Variants in CCBE1 observed in about 807,000 individuals in gnomAD.
The protein encoded by CCBE1 is collagen and calcium-binding EGF domain-containing protein 1.
A neutral mutation model predicts 50.0 loss-of-function variants in CCBE1; 37 were observed. The observed-to-expected ratio is 0.74, with a 90% CI of 0.57 to 0.97. The LOEUF (loss-of-function observed/expected upper bound fraction) is 0.97, where lower values mean the gene tolerates loss of function less well. Ranked by LOEUF, CCBE1 falls within the 50% of genes least tolerant of loss-of-function variation. The probability of loss-of-function intolerance (pLI) is 0.00; values close to 1 mark genes in which losing one functional copy is unlikely to be tolerated. For synonymous variants in CCBE1, 234 were observed against 203.7 expected (o/e 1.15, Z -1.27); for missense variants, 538 against 523.8 (o/e 1.03, Z -0.26).
chr18:59,500,374 C>T (rs192237508), intron 2 of CCBE1, among the ~76,000 whole-genome samples: 2 of 152,268 alleles, frequency 1.3e-5, no homozygotes, highest in African/African-American at 2.4e-5. Flanking sequence ...ATGAAGTCTT[C>T]GGAGGAAGGG....
intron 2 of CCBE1, among the ~76,000 whole-genome samples, chr18:59,653,702 A>ATTAAAAAT (rs1042605475): frequency 1.3e-5 from 2 of 152,222 alleles, no homozygotes; most frequent in Non-Finnish European, 2.9e-5. Context: ...AAATTAAAAA[A>ATTAAAAAT]TTAAAAATCC....
At chr18:59,622,288 T>C (rs536803135) in intron 2 of CCBE1, among the ~76,000 whole-genome samples, 213 of 152,242 alleles carry the variant, frequency 1.4e-3, no homozygotes, top group African/African-American at 5.0e-3. Flanking sequence ...CCCTTGAGGG[T>C]AGAAGTCACC....
chr18:59,691,694 G>T (rs557529407), intron 2 of CCBE1, among the ~76,000 whole-genome samples: 1 of 152,124 alleles, frequency 6.6e-6, no homozygotes, highest in African/African-American at 2.4e-5. Context: ...GTGAGCCACC[G>T]CGCCCAGCTA....
At chr18:59,437,588 A>G (rs116380453) in intron 10 of CCBE1, among the ~76,000 whole-genome samples, 58 of 152,340 alleles carry the variant, frequency 3.8e-4, no homozygotes, top group African/African-American at 1.4e-3. Context: ...TGAATTTTCT[A>G]TGCTTTTGAA....
intron 2 of CCBE1, among the ~76,000 whole-genome samples, chr18:59,674,952 T>A (rs1015934991): frequency 6.6e-6 from 1 of 152,308 alleles, no homozygotes; most frequent in Non-Finnish European, 1.5e-5. Flanking sequence ...TTTAATCATA[T>A]CCAGATTTTG....
chr18:59,692,587 T>A (rs1398336489), intron 2 of CCBE1, among the ~76,000 whole-genome samples: 1 of 152,220 alleles, frequency 6.6e-6, no homozygotes, highest in Non-Finnish European at 1.5e-5. Flanking sequence ...AATCTGGTAG[T>A]ACTATTCTAA....
At chr18:59,505,330 T>C (rs1913821514) in intron 2 of CCBE1, among the ~76,000 whole-genome samples, 2 of 152,206 alleles carry the variant, frequency 1.3e-5, no homozygotes, top group Non-Finnish European at 2.9e-5. Flanking sequence ...GACGCCATCC[T>C]TGAGCCTGAG....
chr18:59,697,109 C>T, intron 1 of CCBE1, 103 bp downstream of exon 1: 2 of 1,455,684 alleles, frequency 1.4e-6, no homozygotes. Context: ...TGAGGGCGTG[C>T]GGATCGCTGT....
In CCBE1 at chr18:59,607,024, A is replaced by G. The variant is rs73961278; in HGVS notation, c.212+89605T>C. Among the ~76,000 whole-genome samples, 927 of 149,372 alleles carry G rather than the reference A, an allele frequency of 6.2e-3. 13 individuals carry two copies. Among genetic ancestry groups the G allele is most frequent in the African/African-American group, 0.022 (885 of 40,556 alleles). On this transcript the variant is annotated intron_variant, in intron 2 of 10. Transcript: ENST00000439986. ...CAGGGCCTGGCCTAGAGTACGACAGAGTAGGTACTCCATAAAAGGTGTGTT... is the reference window on the plus strand; with the variant it reads ...CAGGGCCTGGCCTAGAGTACGACAGGGTAGGTACTCCATAAAAGGTGTGTT...
intron 2 of CCBE1, among the ~76,000 whole-genome samples, chr18:59,694,870 T>C (rs1195078114): frequency 6.6e-6 from 1 of 152,216 alleles, no homozygotes; most frequent in African/African-American, 2.4e-5. Context: ...GCTGAAAGCA[T>C]CGTTTCCCAT....
intron 2 of CCBE1, among the ~76,000 whole-genome samples, chr18:59,620,615 C>T (rs554623787): frequency 1.2e-4 from 18 of 152,114 alleles, no homozygotes; most frequent in Non-Finnish European, 1.9e-4. Flanking sequence ...AATTGAATCA[C>T]GGGGGCAAGT....
intron 5 of CCBE1, chr18:59,464,760 T>C (rs555916326): frequency 9.8e-5 from 15 of 152,422 alleles, no homozygotes; most frequent in Non-Finnish European, 1.6e-4. Flanking sequence ...AGCTGTTTGC[T>C]GTCCTCAGCT....
intron 2 of CCBE1, among the ~76,000 whole-genome samples, chr18:59,685,149 T>G (rs1442614627): frequency 6.6e-6 from 1 of 152,188 alleles, no homozygotes; most frequent in African/African-American, 2.4e-5. Context: ...TTTTTTTTAA[T>G]GCACCAAAGG....
At chr18:59,693,864 CTT>C (rs11410421) in intron 2 of CCBE1, among the ~76,000 whole-genome samples, 67 of 70,744 alleles carry the variant, frequency 9.5e-4, no homozygotes, top group African/African-American at 4.0e-3. Context: ...AAAGGAAAGC[CTT>C]TTTTTTTTTT....
intron 2 of CCBE1, among the ~76,000 whole-genome samples, chr18:59,495,054 T>C (rs1913283931): frequency 1.3e-5 from 2 of 152,058 alleles, no homozygotes; most frequent in South Asian, 2.1e-4. Flanking sequence ...GGCAGGATAA[T>C]TGCTTGAAAC....
chr18:59,680,367 T>C (rs1015210351), intron 2 of CCBE1, among the ~76,000 whole-genome samples: 12 of 151,992 alleles, frequency 7.9e-5, no homozygotes, highest in South Asian at 2.1e-4. Flanking sequence ...GTTTAGCGAT[T>C]TGGGGGGCCC....
intron 2 of CCBE1, among the ~76,000 whole-genome samples, chr18:59,523,690 G>A (rs1356756742): frequency 3.3e-5 from 5 of 152,084 alleles, no homozygotes; most frequent in Admixed American, 6.6e-5. Flanking sequence ...TCATGAGTAG[G>A]TCAGGGTTGG....
chr18:59,540,920 T>G (rs1241406556), intron 2 of CCBE1, among the ~76,000 whole-genome samples: 2 of 152,218 alleles, frequency 1.3e-5, no homozygotes, highest in Admixed American at 1.3e-4. Context: ...GTCCAGCCAG[T>G]GCTTTAGAAG....
At chr18:59,492,186 T>G (rs1913142447) in intron 2 of CCBE1, among the ~76,000 whole-genome samples, 1 of 150,596 alleles carries the variant, frequency 6.6e-6, no homozygotes, top group Admixed American at 6.6e-5. Flanking sequence ...ATTCTTGGTG[T>G]AGCCAGAGGT....
Sources: allele counts gnomAD v4.1 joint callset (sites outside exome capture counted in the v4.1 genomes callset), GRCh38; gene constraint gnomAD v4.1.1; transcripts MANE v1.5; gene names NCBI Gene and HGNC (gene_info 2026-07-23, HGNC 2026-07-21).